Variants in PUS10 observed in about 807,000 individuals in gnomAD.
PUS10 encodes tRNA pseudouridine synthase Pus10.
PUS10 carries 59 observed loss-of-function variants against 75.0 expected under a neutral mutation model. The ratio of observed to expected loss-of-function variants is 0.79; its 90% CI spans 0.64 to 0.98. The LOEUF is 0.98. Ranked by LOEUF, PUS10 falls within the 50% of genes least tolerant of loss-of-function variation. The probability of loss-of-function intolerance (pLI) is 0.00; values close to 1 mark genes in which losing one functional copy is unlikely to be tolerated. For synonymous variants in PUS10, 219 were observed against 211.6 expected (o/e 1.03, Z -0.30); for missense variants, 650 against 614.4 (o/e 1.06, Z -0.61).
chr2:60,960,843 T>TAAAAAAAAAAAAAAAAAAAAAAAAAAAA, intron 10 of PUS10, among the ~76,000 whole-genome samples: 1 of 120,664 alleles, frequency 8.3e-6, no homozygotes. Context: ...ATACCAAGGA[T>TAAAAAAAAAAAAAAAAAAAAAAAAAAAA]AAAAAAAAAA....
intron 4 of PUS10, among the ~76,000 whole-genome samples, chr2:60,990,596 A>C (rs140259021): frequency 6.6e-6 from 1 of 152,340 alleles, no homozygotes; most frequent in African/African-American, 2.4e-5. Context: ...AGCTGGATTA[A>C]GGTAATTGCA....
intron 10 of PUS10, 129 bp from the exon 11 acceptor site, chr2:60,960,646 C>A: frequency 1.4e-6 from 1 of 733,406 alleles, no homozygotes; most frequent in Admixed American, 3.7e-5. Context: ...TATCCTTTAC[C>A]TAACTAACAA....
intron 15 of PUS10, among the ~76,000 whole-genome samples, chr2:60,951,124 A>G (rs901165089): frequency 6.6e-6 from 1 of 152,160 alleles, no homozygotes; most frequent in Admixed American, 6.6e-5. Flanking sequence ...TTCTGTGTTC[A>G]TATTTTTCAT....
chr2:60,988,591 T>A (rs1056040707), intron 4 of PUS10, among the ~76,000 whole-genome samples: 9 of 152,262 alleles, frequency 5.9e-5, no homozygotes, highest in Middle Eastern at 3.4e-3. Flanking sequence ...CAAATATAAC[T>A]GGCCTTCTTG....
At chr2:60,964,088 T>C (rs576907690) in intron 8 of PUS10, among the ~76,000 whole-genome samples, 5 of 152,316 alleles carry the variant, frequency 3.3e-5, no homozygotes, top group African/African-American at 1.2e-4. Context: ...CCCAGGCCTG[T>C]TGCTACCAAT....
chr2:60,959,263 T>A (rs1338427159), intron 11 of PUS10, among the ~76,000 whole-genome samples: 2 of 152,214 alleles, frequency 1.3e-5, no homozygotes, highest in Non-Finnish European at 2.9e-5. Context: ...GGAAGATGTG[T>A]TTTAATTTCC....
chr2:60,942,073 G>A lies in PUS10; in HGVS notation c.*322C>T. ...TCTTGCTGAAATTACAGCTTCTTAGGTTAACAGAGAATGTGTCCTGTTTGT... is the reference window on the plus strand; with the variant it reads ...TCTTGCTGAAATTACAGCTTCTTAGATTAACAGAGAATGTGTCCTGTTTGT... On this transcript the variant is annotated 3_prime_UTR_variant, in exon 18 of 18. Transcript: ENST00000316752. 1 of 247,780 alleles carries A rather than the reference G, an allele frequency of 4.0e-6. No individual in the cohort carries two copies. The highest frequency in any genetic ancestry group is 8.1e-5 in the East Asian group (1 of 12,390). 15.3% of individuals were successfully genotyped at this position (247,780 alleles called of 1,614,324 possible). A position where few individuals can be genotyped will look rare whatever the true frequency, so the allele number is the denominator to read the frequency against.
chr2:61,003,778 G>A (rs1253372142), intron 4 of PUS10, among the ~76,000 whole-genome samples: 1 of 152,030 alleles, frequency 6.6e-6, no homozygotes, highest in African/African-American at 2.4e-5. Flanking sequence ...ACTGACTCAA[G>A]AGATCCTCCC....
chr2:60,998,571 C>T (rs962912532), intron 4 of PUS10, among the ~76,000 whole-genome samples: 4 of 152,044 alleles, frequency 2.6e-5, no homozygotes, highest in African/African-American at 7.2e-5. Context: ...CACCTGTAGT[C>T]CCAGCTACTC....
rs761913554 is a variant in PUS10 at position 61,008,942 on chromosome 2, G to A, written c.200C>T (p.Pro67Leu). The A allele has an allele frequency of 6.2e-5, 100 of 1,613,214 alleles. No individual in the cohort carries two copies. The highest frequency in any genetic ancestry group is 7.9e-5 in the Non-Finnish European group (93 of 1,179,498). Residue 67 changes from proline to leucine, a missense_variant, in exon 3 of 18, where the codon CCT becomes CTT. By Grantham distance (98) the Pro-to-Leu change is moderately conservative. Coordinates refer to ENST00000316752, the MANE Select transcript of PUS10 (RefSeq NM_144709.4). ...TTCTTGCAGTCGAATTTTCTTGGGA[G>A]GTGGGTTCATAACTTCCAAAATTAA... ...DELILEVMNP[P>L]PKKIRLQELE... is the part of the protein sequence containing the mutation.
At chr2:61,008,715 A>C (rs577604986) in intron 3 of PUS10, 46 bp downstream of exon 3, 4 of 1,399,976 alleles carry the variant, frequency 2.9e-6, no homozygotes, top group South Asian at 2.8e-5. Flanking sequence ...TTTAAGACTG[A>C]AAATCTCTAC....
At chr2:61,013,396 A>G (rs1679758415) in intron 1 of PUS10, among the ~76,000 whole-genome samples, 1 of 152,190 alleles carries the variant, frequency 6.6e-6, no homozygotes, top group Non-Finnish European at 1.5e-5. Flanking sequence ...AGAGGCCAAG[A>G]ACCTAGACAG....
At chr2:60,947,853 AAAG>A (rs1360873608) in intron 16 of PUS10, among the ~76,000 whole-genome samples, 187 bp downstream of exon 16, 1 of 151,452 alleles carries the variant, frequency 6.6e-6, no homozygotes, top group African/African-American at 2.4e-5. Context: ...AAAAAAAAGA[AAAG>A]AAAAGAAAAA....
rs150507405 is a variant in PUS10, at chr2:60,949,438, G to A, written c.1309-1253C>T. Among the ~76,000 whole-genome samples, 4 of 152,226 alleles carry A rather than the reference G, an allele frequency of 2.6e-5. No homozygotes were observed. In the East Asian group the frequency reaches 5.8e-4, roughly 22 times the overall value. On this transcript the variant is annotated intron_variant, in intron 15 of 17. Transcript: ENST00000316752. Reference sequence around the variant, plus strand: ...TCAATGGAAATACCACGAGCCACATGTCTTTTTTGGTTTGTTTGTTTTTAG... The same window carrying A: ...TCAATGGAAATACCACGAGCCACATATCTTTTTTGGTTTGTTTGTTTTTAG...
intron 5 of PUS10, among the ~76,000 whole-genome samples, chr2:60,971,050 G>A (rs1040347818): frequency 2.0e-5 from 3 of 151,802 alleles, no homozygotes; most frequent in African/African-American, 7.3e-5. Flanking sequence ...CATGGTGGCA[G>A]GCTCCTGTAA....
At chr2:60,964,589 A>G (rs1676225697) in intron 8 of PUS10, among the ~76,000 whole-genome samples, 1 of 152,252 alleles carries the variant, frequency 6.6e-6, no homozygotes, top group Admixed American at 6.5e-5. Context: ...GTAGCCAGAA[A>G]GAGGACATGT....
At chr2:60,987,169 A>G (rs905884926) in intron 4 of PUS10, among the ~76,000 whole-genome samples, 1 of 152,274 alleles carries the variant, frequency 6.6e-6, no homozygotes, top group Non-Finnish European at 1.5e-5. Flanking sequence ...AGAATGGAAC[A>G]GTATCTGCAG....
At chr2:60,986,447 T>C (rs1251916299) in intron 4 of PUS10, among the ~76,000 whole-genome samples, 1 of 152,210 alleles carries the variant, frequency 6.6e-6, no homozygotes, top group African/African-American at 2.4e-5. Context: ...GGTATTATGA[T>C]ATAGAATGAA....
intron 4 of PUS10, among the ~76,000 whole-genome samples, chr2:60,997,137 G>A (rs1678522142): frequency 6.6e-6 from 1 of 152,168 alleles, no homozygotes; most frequent in African/African-American, 2.4e-5. Flanking sequence ...TGATAAGATA[G>A]AGTGGATTGC....
Sources: gnomAD v4.1 joint callset for allele counts (sites outside exome capture counted in the v4.1 genomes callset) on GRCh38, gnomAD v4.1.1 for gene constraint, MANE v1.5 for transcripts, NCBI Gene and HGNC (gene_info 2026-07-23, HGNC 2026-07-21) for gene names.